GAL3ST4: variants seen among roughly 807,000 people sequenced by gnomAD.
GAL3ST4 encodes the protein galactose-3-O-sulfotransferase 4.
Under a neutral mutation model 31.6 loss-of-function variants are expected in GAL3ST4, and 30 were observed. The ratio of observed to expected loss-of-function variants is 0.95; its 90% CI spans 0.71 to 1.29. GAL3ST4 has a LOEUF of 1.29. GAL3ST4 is among the 50% of genes most tolerant of loss of function. The probability of loss-of-function intolerance (pLI) is 0.00; values close to 1 mark genes in which losing one functional copy is unlikely to be tolerated. For synonymous variants in GAL3ST4, 248 were observed against 256.9 expected, an observed-to-expected ratio of 0.97 and a Z score of 0.33; for missense variants, 629 against 625.2, an observed-to-expected ratio of 1.01 and a Z score of -0.06.
At position 100,159,960 on chromosome 7, in the gene GAL3ST4, G is replaced by A. The variant is rs1432819849; in HGVS notation, c.1429C>T (p.Pro477Ser). Residue 477 changes from proline (P) to serine (S), a missense_variant, in exon 4 of 4, where the codon CCC becomes TCC. Pro to Ser is a moderately conservative substitution (Grantham distance 74, BLOSUM62 -1). Transcript: ENST00000360039. ...GAGAGTGGCCTTGAAGTCTTGAGGG[G>A]CAGTGAGACGGTAGGGGGGAACTGC... Reference protein sequence around the residue: ...AKQFPPTVSLPLKTSRPLSP With the variant: ...AKQFPPTVSLSLKTSRPLSP The A allele has an allele frequency of 6.2e-7, 1 of 1,611,486 alleles. No individual in the cohort carries two copies.
At chr7:100,163,858 G>A (rs1372520596) in intron 3 of GAL3ST4, among the ~76,000 whole-genome samples, 1 of 152,122 alleles carries the variant, frequency 6.6e-6, no homozygotes, top group Non-Finnish European at 1.5e-5. Context: ...GAAGGCAGAG[G>A]GGAAAGCGAA....
chr7:100,163,779 C>G (rs1799036763), intron 3 of GAL3ST4, among the ~76,000 whole-genome samples: 1 of 152,084 alleles, frequency 6.6e-6, no homozygotes, highest in Non-Finnish European at 1.5e-5. Flanking sequence ...AAGTAATCCT[C>G]TCACCTCAGC....
chr7:100,164,657 T>C (rs2116973028), intron 3 of GAL3ST4, among the ~76,000 whole-genome samples: 1 of 151,996 alleles, frequency 6.6e-6, no homozygotes, highest in African/African-American at 2.4e-5. Flanking sequence ...AGACTCTGTC[T>C]CAAAATAAAT....
chr7:100,166,435 C>T (rs1799074196), intron 3 of GAL3ST4, 67 bp downstream of exon 3: 2 of 1,510,320 alleles, frequency 1.3e-6, no homozygotes, highest in East Asian at 4.5e-5. Context: ...TCTGGGCCCC[C>T]TCCCTTGGTG....
intron 3 of GAL3ST4, among the ~76,000 whole-genome samples, chr7:100,164,374 C>A (rs1799043073): frequency 6.6e-6 from 1 of 152,094 alleles, no homozygotes; most frequent in Non-Finnish European, 1.5e-5. Flanking sequence ...TTTAAAACCC[C>A]CCGCTCTCGG....
chr7:100,160,468 G>A lies in GAL3ST4; in HGVS notation c.921C>T (p.Phe307=), dbSNP rs761059667. Residue 307 remains phenylalanine (F), a synonymous_variant, in exon 4 of 4, where the codon TTC becomes TTT. Transcript: ENST00000360039. ...VFDLVMVAEY[F]DESLVLLADA... is the part of the protein sequence containing the mutation. ...CTGCCAGCAGAACCAATGACTCATC[G>A]AAGTACTCAGCCACCATGACCAGGT... The A allele has an allele frequency of 1.1e-5, 18 of 1,614,094 alleles. No individual in the cohort carries two copies. Among genetic ancestry groups the A allele is most frequent in the East Asian group, 1.1e-4 (5 of 44,886 alleles).
chr7:100,166,274 CTG>C (rs1448941308), intron 3 of GAL3ST4, among the ~76,000 whole-genome samples: 3 of 152,200 alleles, frequency 2.0e-5, no homozygotes, highest in Non-Finnish European at 4.4e-5. Context: ...AAGAGAGAGA[CTG>C]GAGTAAGCGC....
chr7:100,159,753 TG>T lies in GAL3ST4; in HGVS notation c.*174del. 1.8e-6 allele frequency: 1 copy of T among 562,040 alleles called. No homozygotes were observed. Among genetic ancestry groups the T allele is most frequent in the Non-Finnish European group, 3.1e-6 (1 of 327,160 alleles). The allele number at this position is 562,040 out of a possible 1,614,324, so 34.8% of individuals were successfully genotyped here. On this transcript the variant is annotated 3_prime_UTR_variant, in exon 4 of 4. Transcript: ENST00000360039. ...AAAAAGTTGGGGGGAAAGAACAAAA[TG>T]AGTGGAGGGTGGAGGAGGGAAGCAC...
rs143955532 is a variant in GAL3ST4 at position 100,168,003 on chromosome 7, G to GAC, written c.-189+542_-189+543insGT. 0.18 allele frequency: 26,711 copies of GAC among 144,518 alleles called. 2,973 individuals carry two copies. The highest frequency in any genetic ancestry group is 0.49 in the East Asian group (2,412 of 4,910). The allele number at this position is 144,518 out of a possible 1,614,324, so 9.0% of individuals were successfully genotyped here. On this transcript the variant is annotated intron_variant, in intron 1 of 3. Transcript: ENST00000360039. The surrounding 1 kb of genome is among the most constrained non-coding windows in gnomAD (Gnocchi z 4.1). The stretch of plus-strand genomic sequence containing the variant: ...CTGGAGAGGGAGACAGAAAGAGAGA[G>GAC]AGACACACACACACACACACACACA...
chr7:100,166,708 G>T lies in GAL3ST4; in HGVS notation c.223C>A (p.His75Asn). The T allele has an allele frequency of 6.2e-7, 1 of 1,614,160 alleles. No individual in the cohort carries two copies. Among genetic ancestry groups the T allele is most frequent in the Non-Finnish European group, 8.5e-7 (1 of 1,180,016 alleles). The change falls in exon 3 of 4, where the codon CAT becomes AAT. Residue 75 changes from histidine to asparagine, a missense_variant. Coordinates refer to ENST00000360039, the MANE Select transcript of GAL3ST4 (RefSeq NM_024637.5). ...PRQRLVFLKT[H>N]KSGSSSVLSL... ...AGCACAGAGCTGCTCCCGGATTTATGTGTCTTCAGGAACACCAGTCGCTGC... is the reference window on the plus strand; with the variant it reads ...AGCACAGAGCTGCTCCCGGATTTATTTGTCTTCAGGAACACCAGTCGCTGC...
At chr7:100,166,166 A>C (rs1799069444) in intron 3 of GAL3ST4, among the ~76,000 whole-genome samples, 2 of 152,202 alleles carry the variant, frequency 1.3e-5, no homozygotes, top group African/African-American at 4.8e-5. Flanking sequence ...CCTGTCTTCC[A>C]AAAAATAATT....
At chr7:100,162,544 CAAAAA>C (rs535834382) in intron 3 of GAL3ST4, among the ~76,000 whole-genome samples, 5 of 71,644 alleles carry the variant, frequency 7.0e-5, no homozygotes, top group African/African-American at 2.1e-4. Context: ...GACTCTGTCT[CAAAAA>C]AAAAAAAAAA....
intron 3 of GAL3ST4, 27 bp from the exon 4 acceptor site, chr7:100,160,986 G>A: frequency 1.3e-6 from 2 of 1,545,358 alleles, no homozygotes; most frequent in Non-Finnish European, 1.7e-6. Context: ...ACAGAAGAGA[G>A]AGAACTGGGC....
At chr7:100,161,095 A>G (rs1798998019) in intron 3 of GAL3ST4, 136 bp from the exon 4 acceptor site, 1 of 707,888 alleles carries the variant, frequency 1.4e-6, no homozygotes, top group Non-Finnish European at 2.2e-6. Context: ...CCCAGCTTCC[A>G]TCACTTGCTG....
chr7:100,160,959 C>A lies in GAL3ST4; in HGVS notation c.430G>T (p.Val144Leu), dbSNP rs987272302. Residue 144 changes from valine to leucine, a missense_variant and splice_region_variant, in exon 4 of 4, where the codon GTA becomes TTA. By Grantham distance (32) the Val-to-Leu change is conservative (BLOSUM62 1). Coordinates refer to ENST00000360039, the MANE Select transcript of GAL3ST4 (RefSeq NM_024637.5). ...CTGTCAGAAGGCATGACCTGAAGTA[C>A]CTGCAGAGGAGGGAAGACAGAAGAG... The part of the protein sequence containing the change: ...CHHMRFNLKE[V>L]LQVMPSDSFF... 6.3e-7 allele frequency: 1 copy of A among 1,582,854 alleles called. No individual in the cohort carries two copies. The highest frequency in any genetic ancestry group is 8.6e-7 in the Non-Finnish European group (1 of 1,166,654).
chr7:100,165,457 A>C (rs1431968612), intron 3 of GAL3ST4, among the ~76,000 whole-genome samples: 1 of 152,088 alleles, frequency 6.6e-6, no homozygotes, highest in Admixed American at 6.6e-5. Flanking sequence ...TCCCGGGCTA[A>C]AAATACAGCT....
intron 3 of GAL3ST4, among the ~76,000 whole-genome samples, chr7:100,163,602 A>C (rs1035646796): frequency 6.6e-6 from 1 of 151,850 alleles, no homozygotes; most frequent in Non-Finnish European, 1.5e-5. Flanking sequence ...AGCATATCAT[A>C]GCTCACTGCA....
Position 100,159,735 on chromosome 7 carries a change from TGGG to T in GAL3ST4, c.*190_*192del, listed in dbSNP as rs1798964576. On this transcript the variant is annotated 3_prime_UTR_variant, in exon 4 of 4. Coordinates refer to ENST00000360039, the MANE Select transcript of GAL3ST4 (RefSeq NM_024637.5). ...ACTCCGTTTCAAAAAAAAAAAAAGT[TGGG>T]GGGAAAGAACAAAATGAGTGGAGGG... 2 of 525,470 alleles carry T rather than the reference TGGG, an allele frequency of 3.8e-6. No homozygotes were observed. The highest frequency in any genetic ancestry group is 5.6e-5 in the South Asian group (2 of 35,960). The allele number at this position is 525,470 out of a possible 1,614,324, so 32.6% of individuals were successfully genotyped here.
chr7:100,165,165 C>T (rs1243947871), intron 3 of GAL3ST4, among the ~76,000 whole-genome samples: 1 of 151,352 alleles, frequency 6.6e-6, no homozygotes, highest in South Asian at 2.1e-4. Context: ...TGAGCCACTG[C>T]GCCCGGCCTT....
Sources: allele counts gnomAD v4.1 joint callset (sites outside exome capture counted in the v4.1 genomes callset), GRCh38; gene constraint gnomAD v4.1.1; non-coding constraint Gnocchi (gnomAD v3.1); transcripts MANE v1.5; gene names NCBI Gene and HGNC (gene_info 2026-07-23, HGNC 2026-07-21).